Variants in ZDHHC14 observed in about 807,000 individuals in gnomAD.
The protein encoded by ZDHHC14 is palmitoyltransferase ZDHHC14.
ZDHHC14 carries 16 observed loss-of-function variants against 47.7 expected under a neutral mutation model. The observed-to-expected ratio is 0.34, with a 90% CI of 0.23 to 0.51. The LOEUF (loss-of-function observed/expected upper bound fraction) is 0.51, where lower values mean the gene tolerates loss of function less well. Among genes scored for constraint, ZDHHC14 ranks in the 20% least tolerant of loss-of-function variants. The probability of loss-of-function intolerance (pLI) is 0.97; values close to 1 mark genes in which losing one functional copy is unlikely to be tolerated. For missense variants in ZDHHC14, 515 were observed against 662.5 expected (o/e 0.78, Z 2.44); for synonymous variants, 293 against 278.9 (o/e 1.05, Z -0.50).
intron 1 of ZDHHC14, among the ~76,000 whole-genome samples, chr6:157,435,060 A>G (rs1283511685): frequency 6.6e-6 from 1 of 152,344 alleles, no homozygotes; most frequent in East Asian, 1.9e-4. Flanking sequence ...CTCCATGGCT[A>G]TGCTCATAGA....
chr6:157,597,009 C>CT (rs1457944265), intron 3 of ZDHHC14, among the ~76,000 whole-genome samples: 3 of 152,306 alleles, frequency 2.0e-5, no homozygotes, highest in Non-Finnish European at 4.4e-5. Flanking sequence ...GACTTTGTCC[C>CT]TGCTGCCTGT....
chr6:157,534,978 A>C (rs1455384014), intron 1 of ZDHHC14, among the ~76,000 whole-genome samples: 1 of 152,212 alleles, frequency 6.6e-6, no homozygotes, highest in Non-Finnish European at 1.5e-5. Context: ...TCAATAGTAG[A>C]TGAGTAAATT....
Position 157,417,900 on chromosome 6 carries a change from C to T in ZDHHC14, c.245+35634C>T, listed in dbSNP as rs568965054. On this transcript the variant is annotated intron_variant, in intron 1 of 8. Coordinates refer to ENST00000359775, the MANE Select transcript of ZDHHC14 (RefSeq NM_024630.3). ...ACCCAGGAGGCGGAGCTTGCAGTGACCTGTGATTGTGCCACTGCACTCCAG... is the reference window on the plus strand; with the variant it reads ...ACCCAGGAGGCGGAGCTTGCAGTGATCTGTGATTGTGCCACTGCACTCCAG... 1.3e-4 allele frequency among the ~76,000 whole-genome samples: 20 copies of T among 151,388 alleles called. No homozygotes were observed. The East Asian group carries it at 3.9e-3, about 29-fold the overall frequency.
intron 5 of ZDHHC14, among the ~76,000 whole-genome samples, chr6:157,637,217 G>A (rs1777030683): frequency 6.6e-6 from 1 of 152,218 alleles, no homozygotes; most frequent in Admixed American, 6.5e-5. Flanking sequence ...GGTGGCATGG[G>A]AATGCCAGCG....
chr6:157,560,192 G>C (rs1194813483), intron 2 of ZDHHC14, among the ~76,000 whole-genome samples: 1 of 152,212 alleles, frequency 6.6e-6, no homozygotes, highest in Non-Finnish European at 1.5e-5. Flanking sequence ...TGCTGCACTT[G>C]CTGGGGAGCA....
chr6:157,528,306 T>A (rs1398801237), intron 1 of ZDHHC14, among the ~76,000 whole-genome samples: 1 of 152,246 alleles, frequency 6.6e-6, no homozygotes, highest in African/African-American at 2.4e-5. Context: ...TGTTGTTTTT[T>A]AATCTCAGAA....
intron 1 of ZDHHC14, among the ~76,000 whole-genome samples, chr6:157,440,179 A>AATC (rs1157726111): frequency 2.6e-5 from 4 of 151,216 alleles, no homozygotes; most frequent in Non-Finnish European, 5.9e-5. Flanking sequence ...TAATAATAAT[A>AATC]ATAATAATAA....
intron 2 of ZDHHC14, among the ~76,000 whole-genome samples, chr6:157,587,701 C>T (rs145347950): frequency 0.011 from 1,644 of 152,328 alleles, 29 homozygotes; most frequent in African/African-American, 0.036. Flanking sequence ...CTTTAATTTT[C>T]CATGAATAAT....
intron 1 of ZDHHC14, among the ~76,000 whole-genome samples, chr6:157,402,949 G>A (rs541594061): frequency 3.3e-5 from 5 of 152,312 alleles, no homozygotes; most frequent in African/African-American, 9.6e-5. Context: ...TGGCCAGGCT[G>A]GTCTCGAACT....
At chr6:157,385,636 T>A (rs1777294936) in intron 1 of ZDHHC14, among the ~76,000 whole-genome samples, 1 of 152,238 alleles carries the variant, frequency 6.6e-6, no homozygotes, top group Non-Finnish European at 1.5e-5. Context: ...TGATACAGTC[T>A]TTAGCCCCTG....
chr6:157,522,064 A>G (rs559426762), intron 1 of ZDHHC14, among the ~76,000 whole-genome samples: 48 of 152,284 alleles, frequency 3.2e-4, no homozygotes, highest in African/African-American at 1.1e-3. Context: ...GACACCCAAC[A>G]TGAGCATGAG....
intron 1 of ZDHHC14, among the ~76,000 whole-genome samples, chr6:157,442,356 CT>C (rs754048255): frequency 6.6e-6 from 1 of 152,180 alleles, no homozygotes; most frequent in Non-Finnish European, 1.5e-5. Flanking sequence ...GCACTTCAGC[CT>C]GGACGATAGA....
intron 5 of ZDHHC14, among the ~76,000 whole-genome samples, chr6:157,638,581 A>G (rs1777093073): frequency 6.6e-6 from 1 of 152,210 alleles, no homozygotes. Flanking sequence ...TATTTCCTGT[A>G]AAACCATTCT....
chr6:157,611,968 G>A (rs1035865417), intron 3 of ZDHHC14, among the ~76,000 whole-genome samples: 1 of 152,172 alleles, frequency 6.6e-6, no homozygotes, highest in Non-Finnish European at 1.5e-5. Flanking sequence ...CTCCAGACAT[G>A]CATATGCAGC....
chr6:157,587,988 C>T (rs1206991941), intron 2 of ZDHHC14, among the ~76,000 whole-genome samples: 1 of 152,172 alleles, frequency 6.6e-6, no homozygotes, highest in East Asian at 1.9e-4. Context: ...GGTACTGTGA[C>T]TCATGCCTGT....
chr6:157,462,718 T>A (rs1428218318), intron 1 of ZDHHC14, among the ~76,000 whole-genome samples: 1 of 152,214 alleles, frequency 6.6e-6, no homozygotes, highest in Non-Finnish European at 1.5e-5. Context: ...TTAAATCGGC[T>A]CCTCACAAAG....
At chr6:157,490,992 G>A (rs1423055132) in intron 1 of ZDHHC14, among the ~76,000 whole-genome samples, 1 of 152,182 alleles carries the variant, frequency 6.6e-6, no homozygotes, top group Non-Finnish European at 1.5e-5. Context: ...GTATTAGGGA[G>A]GGAAGGGGGA....
intron 4 of ZDHHC14, chr6:157,631,909 A>G (rs1002093532): frequency 3.3e-5 from 5 of 152,206 alleles, no homozygotes; most frequent in African/African-American, 1.2e-4. Context: ...CCTCCCACAC[A>G]CTGTGTCCCA....
intron 5 of ZDHHC14, among the ~76,000 whole-genome samples, chr6:157,638,851 C>T (rs1054291143): frequency 6.6e-5 from 10 of 152,172 alleles, no homozygotes; most frequent in Non-Finnish European, 1.0e-4. Flanking sequence ...CAGGGACCTC[C>T]GTGCAGGGCT....
Sources: gnomAD v4.1 joint callset for allele counts (sites outside exome capture counted in the v4.1 genomes callset) on GRCh38, gnomAD v4.1.1 for gene constraint, MANE v1.5 for transcripts, NCBI Gene and HGNC (gene_info 2026-07-23, HGNC 2026-07-21) for gene names.